Variants in APOBEC3H observed in about 807,000 individuals in gnomAD.
The protein encoded by APOBEC3H is apolipoprotein B mRNA editing enzyme catalytic subunit 3H, also known as DNA dC->dU-editing enzyme APOBEC-3H.
APOBEC3H carries 8 observed loss-of-function variants against 21.2 expected under a neutral mutation model. The ratio of observed to expected loss-of-function variants is 0.38; its 90% CI spans 0.22 to 0.68. APOBEC3H has a LOEUF of 0.68. Ranked by LOEUF, APOBEC3H falls within the 30% of genes least tolerant of loss-of-function variation. The probability of loss-of-function intolerance (pLI) is 0.52; values close to 1 mark genes in which losing one functional copy is unlikely to be tolerated. For missense variants in APOBEC3H, 229 were observed against 228.1 expected (o/e 1.00, Z -0.03); for synonymous variants, 88 against 91.0 (o/e 0.97, Z 0.19).
chr22:39,099,356 A>G (rs112207501), intron 1 of APOBEC3H, among the ~76,000 whole-genome samples: 1 of 152,254 alleles, frequency 6.6e-6, no homozygotes, highest in Non-Finnish European at 1.5e-5. Context: ...TGTTCACTCA[A>G]CTGTGTTCTG....
chr22:39,097,555 G>C (rs958151153), intron 1 of APOBEC3H, among the ~76,000 whole-genome samples: 3 of 152,180 alleles, frequency 2.0e-5, no homozygotes, highest in Non-Finnish European at 4.4e-5. Flanking sequence ...TCCCCGGCCT[G>C]CACCAGCCCA....
chr22:39,101,998 G>T lies in APOBEC3H; in HGVS notation c.499G>T (p.Asp167Tyr), dbSNP rs750188374. 6.2e-7 allele frequency: 1 copy of T among 1,613,324 alleles called. No individual in the cohort carries two copies. The highest frequency in any genetic ancestry group is 1.1e-5 in the South Asian group (1 of 91,032). ...CCCCTATAAGATGTTAGAGGAGCTA[G>T]ATAAAAACAGTCGAGCCATAAAGCG... ...FNPYKMLEEL[D>Y]KNSRAIKRRL... The change falls in exon 4 of 5, where the codon GAT (aspartate) becomes TAT (tyrosine). Residue 167 changes from aspartate (D) to tyrosine (Y), a missense_variant. Coordinates refer to ENST00000442487, the MANE Select transcript of APOBEC3H (RefSeq NM_181773.5).
intron 2 of APOBEC3H, 21 bp from the exon 3 acceptor site, chr22:39,101,216 T>C: frequency 7.2e-7 from 1 of 1,390,232 alleles, no homozygotes; most frequent in Non-Finnish European, 9.6e-7. Context: ...CTCCCTTCTC[T>C]CTGTTTGGGA....
rs1929508870 is a variant in APOBEC3H at position 39,103,933 on chromosome 22, G to C, written c.*236G>C. The stretch of plus-strand genomic sequence containing the variant: ...TTTTCCATATTGCTTTCTGTTCTAA[G>C]TGGGTGAATAATTTTATAATTGAAA... On this transcript the variant is annotated 3_prime_UTR_variant, in exon 5 of 5. Coordinates refer to ENST00000442487, the MANE Select transcript of APOBEC3H (RefSeq NM_181773.5). 2 of 555,722 alleles carry C rather than the reference G, an allele frequency of 3.6e-6. No individual in the cohort carries two copies. Among genetic ancestry groups the C allele is most frequent in the Non-Finnish European group, 6.4e-6 (2 of 312,186 alleles). The allele number at this position is 555,722 out of a possible 1,614,324, so 34.4% of individuals were successfully genotyped here.
At chr22:39,102,172 A>C in intron 4 of APOBEC3H, 130 bp downstream of exon 4, 2 of 1,334,838 alleles carry the variant, frequency 1.5e-6, no homozygotes, top group Non-Finnish European at 2.0e-6. Context: ...TTTTTGAGAC[A>C]GGGTCTCACT....
At position 39,100,276 on chromosome 22, in the gene APOBEC3H, A is replaced by ACGATGGCTCTGTTAACAGC; in HGVS notation, c.2_20dup. The ACGATGGCTCTGTTAACAGC allele has an allele frequency of 6.2e-7, 1 of 1,611,152 alleles. No individual in the cohort carries two copies. Among genetic ancestry groups the ACGATGGCTCTGTTAACAGC allele is most frequent in the Admixed American group, 1.7e-5 (1 of 59,980 alleles). On this transcript the variant is annotated 5_prime_UTR_variant, in exon 2 of 5. The change creates a new upstream start codon in the 5' untranslated region. Transcript: ENST00000442487. ...TTTCCCCTTTCTGTTGCACAGAAAC[A>ACGATGGCTCTGTTAACAGC]CGATGGCTCTGTTAACAGCCGAAAC...
rs375662893 is a variant in APOBEC3H, at chr22:39,101,556, C to T, written c.418+52C>T. The T allele has an allele frequency of 1.2e-4, 79 of 672,732 alleles. No homozygotes were observed. In the African/African-American group the frequency reaches 1.4e-3, roughly 12 times the overall value. 41.7% of individuals were successfully genotyped at this position (672,732 alleles called of 1,614,324 possible). A position where few individuals can be genotyped will look rare whatever the true frequency, so the allele number is the denominator to read the frequency against. On this transcript the variant is annotated intron_variant, in intron 3 of 4. Transcript: ENST00000442487. ...GAGTGCAAACCCCCGGGGGCACAGG[C>T]TTGGCAGGGGCTGGGGGTTGGGGGT...
intron 4 of APOBEC3H, chr22:39,102,528 C>T (rs552952015): frequency 2.1e-4 from 148 of 718,416 alleles, no homozygotes; most frequent in East Asian, 4.8e-4. Flanking sequence ...GGGGTACGTG[C>T]GCAGGGTCGT....
intron 4 of APOBEC3H, chr22:39,102,714 T>G (rs879187750): frequency 6.5e-5 from 39 of 596,874 alleles, no homozygotes; most frequent in East Asian, 5.0e-4. Context: ...ATACAAAAAT[T>G]AACTCGGCCA....
rs572965740 is a variant in APOBEC3H, at chr22:39,103,782, C to G, written c.*85C>G. 2 of 1,548,152 alleles carry G rather than the reference C, an allele frequency of 1.3e-6. No individual in the cohort carries two copies. The highest frequency in any genetic ancestry group is 1.4e-5 in the African/African-American group (1 of 73,344). On this transcript the variant is annotated 3_prime_UTR_variant, in exon 5 of 5. Transcript: ENST00000442487. Reference sequence around the variant, plus strand: ...ATTATCAAGAAGCAACTCAAGATGACTTTCCCTGGGGCATGTCAGTTGCCT... The same window carrying G: ...ATTATCAAGAAGCAACTCAAGATGAGTTTCCCTGGGGCATGTCAGTTGCCT...
rs751331393 is a variant in APOBEC3H at position 39,102,036 on chromosome 22, G to T, written c.537G>T (p.Arg179Ser). 4.3e-6 allele frequency: 7 copies of T among 1,613,530 alleles called. No homozygotes were observed. The highest frequency in any genetic ancestry group is 5.9e-6 in the Non-Finnish European group (7 of 1,179,790). Residue 179 changes from arginine (R) to serine (S), a missense_variant, in exon 4 of 5, where the codon AGG becomes AGT. Coordinates refer to ENST00000442487, the MANE Select transcript of APOBEC3H (RefSeq NM_181773.5). Reference sequence around the variant, plus strand: ...GAGCCATAAAGCGACGGCTTGAGAGGATAAAGGTGAGGCACTGTCCTGCCT... The same window carrying T: ...GAGCCATAAAGCGACGGCTTGAGAGTATAAAGGTGAGGCACTGTCCTGCCT... ...NSRAIKRRLE[R>S]IKQS is the part of the protein sequence containing the mutation.
At chr22:39,099,387 A>T (rs1197110779) in intron 1 of APOBEC3H, among the ~76,000 whole-genome samples, 2 of 152,086 alleles carry the variant, frequency 1.3e-5, no homozygotes, top group Non-Finnish European at 2.9e-5. Flanking sequence ...CTTGTCAAAC[A>T]CACACCTGAG....
chr22:39,100,354 A>C lies in APOBEC3H; in HGVS notation c.76A>C (p.Arg26=), dbSNP rs1338511196. The C allele has an allele frequency of 6.2e-7, 1 of 1,614,110 alleles. No homozygotes were observed. The highest frequency in any genetic ancestry group is 8.5e-7 in the Non-Finnish European group (1 of 1,179,998). The change falls in exon 2 of 5, where the codon AGG becomes CGG. Residue 26 remains arginine, a synonymous_variant. Transcript: ENST00000442487. The part of the protein sequence containing the change: ...KRRLRRPYYP[R]KALLCYQLTP... ...CCGCCTCAGAAGGCCTTACTACCCG[A>C]GGAAGGCCCTCTTGTGTTACCAGCT...
chr22:39,103,897 C>T lies in APOBEC3H; in HGVS notation c.*200C>T, dbSNP rs139317. The stretch of plus-strand genomic sequence containing the variant: ...GCCCCATCCAAGTACAGAAGACCTT[C>T]CTTTCCTCCTTTTTCCATATTGCTT... On this transcript the variant is annotated 3_prime_UTR_variant, in exon 5 of 5. Coordinates refer to ENST00000442487, the MANE Select transcript of APOBEC3H (RefSeq NM_181773.5). The T allele has an allele frequency of 0.49, 302,240 of 617,942 alleles. 78,427 individuals are homozygous for T. The highest frequency in any genetic ancestry group is 0.82 in the African/African-American group (45,017 of 54,662). 38.3% of individuals were successfully genotyped at this position (617,942 alleles called of 1,614,324 possible). A position where few individuals can be genotyped will look rare whatever the true frequency, so the allele number is the denominator to read the frequency against.
Position 39,103,841 on chromosome 22 carries a change from C to A in APOBEC3H, c.*144C>A. ...GCTGGTCCTGTAAGCAAGCACTAAG[C>A]TCCACAGTGCCAGTTCCTTGCCCCA... is the stretch of plus-strand genomic sequence containing the variant. On this transcript the variant is annotated 3_prime_UTR_variant, in exon 5 of 5. Coordinates refer to ENST00000442487, the MANE Select transcript of APOBEC3H (RefSeq NM_181773.5). The A allele has an allele frequency of 9.6e-7, 1 of 1,039,556 alleles. No individual in the cohort carries two copies. The highest frequency in any genetic ancestry group is 1.5e-6 in the Non-Finnish European group (1 of 660,828). The allele number at this position is 1,039,556 out of a possible 1,614,324, so 64.4% of individuals were successfully genotyped here.
Position 39,101,373 on chromosome 22 carries a change from T to C in APOBEC3H, c.287T>C (p.Ile96Thr). ...TGTGCCTGGGAGCTGGTTGACTTCATCAAGGCTCACGACCATCTGAACCTG... is the reference window on the plus strand; with the variant it reads ...TGTGCCTGGGAGCTGGTTGACTTCACCAAGGCTCACGACCATCTGAACCTG... ...SSCAWELVDF[I>T]KAHDHLNLGI... Residue 96 changes from isoleucine (I) to threonine (T), a missense_variant, in exon 3 of 5, where the codon ATC becomes ACC. Physicochemically the swap from Ile to Thr is moderately conservative, Grantham distance 89. Transcript: ENST00000442487. 6.2e-7 allele frequency: 1 copy of C among 1,612,620 alleles called. No individual in the cohort carries two copies. Among genetic ancestry groups the C allele is most frequent in the Non-Finnish European group, 8.5e-7 (1 of 1,179,680 alleles).
At position 39,101,434 on chromosome 22, in the gene APOBEC3H, C is replaced by T. The variant is rs1165264632; in HGVS notation, c.348C>T (p.Cys116=). Residue 116 remains cysteine (C), a synonymous_variant, in exon 3 of 5, where the codon TGC becomes TGT. Coordinates refer to ENST00000442487, the MANE Select transcript of APOBEC3H (RefSeq NM_181773.5). ...CCTCCCGCCTGTACTACCACTGGTG[C>T]AAGCCCCAGCAGAAGGGGCTGCGGC... The part of the protein sequence containing the change: ...IFASRLYYHW[C]KPQQKGLRLL... 1 of 1,611,994 alleles carries T rather than the reference C, an allele frequency of 6.2e-7. No homozygotes were observed. The highest frequency in any genetic ancestry group is 1.1e-5 in the South Asian group (1 of 90,922).
chr22:39,097,537 G>C lies in APOBEC3H; in HGVS notation c.-8+194G>C, dbSNP rs138782546. Among the ~76,000 whole-genome samples, 884 of 152,242 alleles carry C rather than the reference G, an allele frequency of 5.8e-3. 8 individuals carry two copies. Among genetic ancestry groups the C allele is most frequent in the African/African-American group, 0.02 (835 of 41,532 alleles). ...GGTCACCCCACTGCTGCTTCTGAAC[G>C]GGCCGCCTCCCCGGCCTGCACCAGC... is the stretch of plus-strand genomic sequence containing the variant. On this transcript the variant is annotated intron_variant, in intron 1 of 4. Transcript: ENST00000442487.
At chr22:39,100,541 C>CT in intron 2 of APOBEC3H, 113 bp downstream of exon 2, 1 of 1,403,972 alleles carries the variant, frequency 7.1e-7, no homozygotes, top group Non-Finnish European at 9.5e-7. Flanking sequence ...ATGTAACACC[C>CT]TCTGTGTTTT....
Sources: allele counts gnomAD v4.1 joint callset (sites outside exome capture counted in the v4.1 genomes callset), GRCh38; gene constraint gnomAD v4.1.1; transcripts MANE v1.5; gene names NCBI Gene and HGNC (gene_info 2026-07-23, HGNC 2026-07-21).